Variants in SLC43A2 observed in about 807,000 individuals in gnomAD.
SLC43A2 encodes the protein large neutral amino acids transporter small subunit 4.
Under a neutral mutation model 63.2 loss-of-function variants are expected in SLC43A2, and 38 were observed. The ratio of observed to expected loss-of-function variants is 0.60; its 90% CI spans 0.46 to 0.79. The LOEUF is 0.79. Among genes scored for constraint, SLC43A2 ranks in the 30% least tolerant of loss-of-function variants. The probability of loss-of-function intolerance (pLI) is 0.00; values close to 1 mark genes in which losing one functional copy is unlikely to be tolerated. For synonymous variants in SLC43A2, 322 were observed against 331.0 expected, an observed-to-expected ratio of 0.97 and a Z score of 0.30; for missense variants, 644 against 756.2, an observed-to-expected ratio of 0.85 and a Z score of 1.74.
At position 1,605,489 on chromosome 17, in the gene SLC43A2, G is replaced by A. The variant is rs535193843; in HGVS notation, c.501+7706C>T. On this transcript the variant is annotated intron_variant, in intron 5 of 13. Transcript: ENST00000301335. This position sits in a 1 kb window ranked among gnomAD's most constrained non-coding sequence, Gnocchi z 4.9. Reference sequence around the variant, plus strand: ...TGGCAGGCAGAAACAAGGGGCAACCGTGGCACCCCCGGCCCTGACTTTCCA... The same window carrying A: ...TGGCAGGCAGAAACAAGGGGCAACCATGGCACCCCCGGCCCTGACTTTCCA... Among the ~76,000 whole-genome samples, 583 of 152,224 alleles carry A rather than the reference G, an allele frequency of 3.8e-3. 1 individual carries two copies. The highest frequency in any genetic ancestry group is 6.5e-3 in the Non-Finnish European group (440 of 68,004).
intron 11 of SLC43A2, among the ~76,000 whole-genome samples, chr17:1,582,360 A>G (rs1032042972): frequency 2.6e-5 from 4 of 152,210 alleles, no homozygotes; most frequent in African/African-American, 9.6e-5. Flanking sequence ...GATTACAGGC[A>G]TGAGCCACCG....
rs953899951 is a variant in SLC43A2 at position 1,590,907 on chromosome 17, G to C, written c.973C>G (p.Leu325Val). 5.8e-6 allele frequency: 9 copies of C among 1,551,872 alleles called. No homozygotes were observed. The highest frequency in any genetic ancestry group is 2.4e-5 in the East Asian group (1 of 41,180). Residue 325 changes from leucine (L) to valine (V), a missense_variant, in exon 9 of 14, where the codon CTG (leucine) becomes GTG (valine). This residue lies in a region of SLC43A2 where 528 missense variants were observed against 623.6 expected (regional missense o/e 0.85). Transcript: ENST00000301335. Reference sequence around the variant, plus strand: ...ACGCACATGGTGACCAGGCTGAGCAGCAGGATGGGGCTGAACACGCTGTGC... The same window carrying C: ...ACGCACATGGTGACCAGGCTGAGCACCAGGATGGGGCTGAACACGCTGTGC... ...FMHSVFSPIL[L>V]LSLVTMCVTQ... is the part of the protein sequence containing the mutation.
intron 2 of SLC43A2, 32 bp downstream of exon 2, chr17:1,627,681 AGG>A: frequency 1.3e-6 from 1 of 746,268 alleles, no homozygotes; most frequent in Non-Finnish European, 1.7e-6. Context: ...CCCCAGCTCC[AGG>A]AGCCCCCCGC....
At position 1,583,649 on chromosome 17, in the gene SLC43A2, C is replaced by T; in HGVS notation, c.1218-313G>A. The T allele has an allele frequency of 3.4e-6, 1 of 290,908 alleles. No homozygotes were observed. Among genetic ancestry groups the T allele is most frequent in the Non-Finnish European group, 6.5e-6 (1 of 152,862 alleles). 18.0% of individuals were successfully genotyped at this position (290,908 alleles called of 1,614,324 possible). On this transcript the variant is annotated intron_variant, in intron 10 of 13. Coordinates refer to ENST00000301335, the MANE Select transcript of SLC43A2 (RefSeq NM_152346.3). This position sits in a 1 kb window ranked among gnomAD's most constrained non-coding sequence, Gnocchi z 5.5. ...AAGTAGCAGCGTGTGCCTGAGCTGGCACATGGCAAAGCCTCACTTCACCAC... is the reference window on the plus strand; with the variant it reads ...AAGTAGCAGCGTGTGCCTGAGCTGGTACATGGCAAAGCCTCACTTCACCAC...
intron 9 of SLC43A2, among the ~76,000 whole-genome samples, chr17:1,587,347 G>A (rs1048351416): frequency 6.6e-6 from 1 of 152,248 alleles, no homozygotes; most frequent in Non-Finnish European, 1.5e-5. Context: ...CTGCCTGCGG[G>A]AAGCGGCTCT....
At chr17:1,624,088 G>T (rs35832030) in intron 2 of SLC43A2, among the ~76,000 whole-genome samples, 26,009 of 152,176 alleles carry the variant, frequency 0.17, 2,345 homozygotes, top group South Asian at 0.22. Flanking sequence ...CACCCAGCAC[G>T]GCACCTTCGT....
At chr17:1,596,673 G>A (rs1905305157) in intron 5 of SLC43A2, among the ~76,000 whole-genome samples, 1 of 151,882 alleles carries the variant, frequency 6.6e-6, no homozygotes, top group Non-Finnish European at 1.5e-5. Flanking sequence ...TCTGTCTCCT[G>A]GGTTCATGCC....
At chr17:1,626,332 A>G (rs1192945529) in intron 2 of SLC43A2, among the ~76,000 whole-genome samples, 1 of 151,872 alleles carries the variant, frequency 6.6e-6, no homozygotes, top group African/African-American at 2.4e-5. Context: ...TCTCCTAACA[A>G]CTCTTGGCCA....
intron 5 of SLC43A2, among the ~76,000 whole-genome samples, chr17:1,601,192 G>C (rs1905983140): frequency 1.3e-5 from 2 of 152,046 alleles, no homozygotes; most frequent in South Asian, 2.1e-4. Flanking sequence ...TCGTAGGTCT[G>C]AGCTGGCACT....
chr17:1,598,818 GATGA>G (rs745609600), intron 5 of SLC43A2, among the ~76,000 whole-genome samples: 1 of 152,160 alleles, frequency 6.6e-6, no homozygotes, highest in Non-Finnish European at 1.5e-5. Context: ...TCTGTCCATG[GATGA>G]GGCCTTGCCC....
intron 11 of SLC43A2, among the ~76,000 whole-genome samples, chr17:1,581,154 G>A (rs570329629): frequency 6.6e-6 from 1 of 151,502 alleles, no homozygotes; most frequent in Non-Finnish European, 1.5e-5. Flanking sequence ...GGTGGTGGGG[G>A]GGCAGGGGCT....
chr17:1,629,938 G>A (rs551092642), upstream of SLC43A2, among the ~76,000 whole-genome samples: 2 of 152,344 alleles, frequency 1.3e-5, no homozygotes, highest in Non-Finnish European at 2.9e-5. Context: ...TCGCTCCGGG[G>A]GGCTGGCTTA....
At chr17:1,627,652 A>AACCCCCCCCCCCCCAAACCCC in intron 2 of SLC43A2, 63 bp downstream of exon 2, 1 of 227,124 alleles carries the variant, frequency 4.4e-6, no homozygotes, top group Non-Finnish European at 8.5e-6. Context: ...CTTCGCCCCC[A>AACCCCCCCCCCCCCAAACCCC]TCCCGCCCCC....
intron 9 of SLC43A2, chr17:1,586,928 T>TCTCCCCC: frequency 2.4e-6 from 3 of 1,232,912 alleles, no homozygotes; most frequent in Admixed American, 2.2e-5. Context: ...TCCCTGACAA[T>TCTCCCCC]CCCCCCCACC....
At position 1,606,562 on chromosome 17, in the gene SLC43A2, G is replaced by A. The variant is rs915416813; in HGVS notation, c.501+6633C>T. ...CAGGTTCACAATTTTGGCTACAGCT[G>A]CTCCCATCTCTAAGCAACCCAGGCT... On this transcript the variant is annotated intron_variant, in intron 5 of 13. Coordinates refer to ENST00000301335, the MANE Select transcript of SLC43A2 (RefSeq NM_152346.3). This position sits in a 1 kb window ranked among gnomAD's most constrained non-coding sequence, Gnocchi z 4.7. Among the ~76,000 whole-genome samples the A allele has an allele frequency of 9.9e-5, 15 of 152,192 alleles. No individual in the cohort carries two copies. The highest frequency in any genetic ancestry group is 3.4e-4 in the African/African-American group (14 of 41,456).
chr17:1,618,846 A>G (rs866929748), intron 2 of SLC43A2, among the ~76,000 whole-genome samples: 1 of 151,936 alleles, frequency 6.6e-6, no homozygotes, highest in Non-Finnish European at 1.5e-5. Flanking sequence ...TTAGCCAGGC[A>G]TGGTGGCGCA....
chr17:1,599,168 A>G (rs1003545956), intron 5 of SLC43A2, among the ~76,000 whole-genome samples: 3 of 151,118 alleles, frequency 2.0e-5, no homozygotes, highest in Non-Finnish European at 3.0e-5. Context: ...GTGAAACCCC[A>G]TCTCTATTAA....
chr17:1,626,368 A>G (rs62088028), intron 2 of SLC43A2, among the ~76,000 whole-genome samples: 4,138 of 152,270 alleles, frequency 0.027, 80 homozygotes, highest in Non-Finnish European at 0.04. Flanking sequence ...TCAGGGAACA[A>G]GGTCTGACTC....
chr17:1,602,009 C>T (rs1213284407), intron 5 of SLC43A2, among the ~76,000 whole-genome samples: 1 of 151,090 alleles, frequency 6.6e-6, no homozygotes, highest in Admixed American at 6.6e-5. Flanking sequence ...CTACCCCAGA[C>T]GTGTACCGCC....
Sources: allele counts gnomAD v4.1 joint callset (sites outside exome capture counted in the v4.1 genomes callset), GRCh38; gene constraint gnomAD v4.1.1; regional missense constraint gnomAD v4.1.1; non-coding constraint Gnocchi (gnomAD v3.1); transcripts MANE v1.5; gene names NCBI Gene and HGNC (gene_info 2026-07-23, HGNC 2026-07-21).